The following GAS6 variants were observed in gnomAD, a reference collection of about 807,000 sequenced individuals.
GAS6 encodes growth arrest specific 6.
In GAS6, 41 loss-of-function variants were observed where a neutral mutation model predicts 75.8. The observed-to-expected ratio is 0.54, with a 90% confidence interval of 0.42 to 0.70. The LOEUF (loss-of-function observed/expected upper bound fraction) is 0.70, where lower values mean the gene tolerates loss of function less well. Ranked by LOEUF, GAS6 falls within the 30% of genes least tolerant of loss-of-function variation. The probability of loss-of-function intolerance (pLI) is 0.00; values close to 1 mark genes in which losing one functional copy is unlikely to be tolerated. For missense variants in GAS6, 854 were observed against 940.2 expected (o/e 0.91, Z 1.20); for synonymous variants, 432 against 412.6 (o/e 1.05, Z -0.57).
At chr13:113,823,670 G>T in intron 12 of GAS6, 120 bp from the exon 13 acceptor site, 1 of 977,858 alleles carries the variant, frequency 1.0e-6, no homozygotes, top group Non-Finnish European at 1.5e-6. Flanking sequence ...AGACAGCCCC[G>T]GATCTGGGAC....
At chr13:113,862,312 T>C (rs529804261) in intron 2 of GAS6, among the ~76,000 whole-genome samples, 1 of 152,268 alleles carries the variant, frequency 6.6e-6, no homozygotes, top group East Asian at 1.9e-4. Context: ...GCACGCCCCA[T>C]GCCACAGTCC....
chr13:113,833,721 C>T (rs1231380013), intron 8 of GAS6: 3 of 993,708 alleles, frequency 3.0e-6, no homozygotes, highest in East Asian at 2.4e-4. Flanking sequence ...GTGACAGGCA[C>T]CGGTGTGACA....
chr13:113,827,117 G>A lies in GAS6; in HGVS notation c.1356C>T (p.Asn452=), dbSNP rs545606097. Residue 452 remains asparagine, a synonymous_variant, in exon 12 of 15, where the codon AAC becomes AAT. Coordinates refer to ENST00000327773, the MANE Select transcript of GAS6 (RefSeq NM_000820.4). ...TTTCCTGGATGGTGGTGTCTTCTCC[G>A]TTCAGCCAGTTCCAGCTCCTCATGC... ...DGCMRSWNWL[N]GEDTTIQETV... is the part of the protein sequence containing the mutation. 25 of 1,613,280 alleles carry A rather than the reference G, an allele frequency of 1.5e-5. No homozygotes were observed. The highest frequency in any genetic ancestry group is 1.1e-4 in the East Asian group (5 of 44,846).
chr13:113,857,865 C>T (rs1312316952), intron 2 of GAS6, among the ~76,000 whole-genome samples: 1 of 152,276 alleles, frequency 6.6e-6, no homozygotes, highest in Admixed American at 6.5e-5. Flanking sequence ...CCGGAGGAGC[C>T]TGGCACCAAG....
chr13:113,864,041 GGCGGCGGCGGCT>G lies in GAS6; in HGVS notation c.-133_-122del. The G allele has an allele frequency of 2.1e-6, 2 of 969,612 alleles. No individual in the cohort carries two copies. The highest frequency in any genetic ancestry group is 1.2e-6 in the Non-Finnish European group (1 of 811,974). The allele number at this position is 969,612 out of a possible 1,614,324, so 60.1% of individuals were successfully genotyped here. On this transcript the variant is annotated 5_prime_UTR_variant, in exon 1 of 15. Coordinates refer to ENST00000327773, the MANE Select transcript of GAS6 (RefSeq NM_000820.4). Reference sequence around the variant, plus strand: ...CTGAAGGTCACATCGCGGCGGCGGCGGCGGCGGCGGCTGCGGCACCTCAAGCGCTCGGTCTGG... The same window carrying G: ...CTGAAGGTCACATCGCGGCGGCGGCGGCGGCACCTCAAGCGCTCGGTCTGG...
intron 11 of GAS6, 39 bp from the exon 12 acceptor site, chr13:113,827,203 G>A (rs536126864): frequency 4.4e-5 from 71 of 1,600,050 alleles, no homozygotes; most frequent in African/African-American, 1.1e-4. Flanking sequence ...TCCTGGGAGC[G>A]AGAAGCCCCA....
In GAS6 at chr13:113,821,191, A is replaced by G. The variant is rs1455156364; in HGVS notation, c.1883-173T>C. On this transcript the variant is annotated intron_variant, in intron 14 of 14. Coordinates refer to ENST00000327773, the MANE Select transcript of GAS6 (RefSeq NM_000820.4). ...GTTCGTTTGGCCGCAGACCCGGCAG[A>G]CAAGCAGGAGGCATCTGCCAGCCTG... 1.8e-5 allele frequency: 12 copies of G among 676,630 alleles called. 1 individual carries two copies. The South Asian group carries it at 1.8e-4, about 10-fold the overall frequency. The allele number at this position is 676,630 out of a possible 1,614,324, so 41.9% of individuals were successfully genotyped here.
intron 5 of GAS6, 42 bp from the exon 6 acceptor site, chr13:113,838,233 C>G: frequency 6.2e-7 from 1 of 1,608,682 alleles, no homozygotes; most frequent in South Asian, 1.1e-5. Flanking sequence ...CAAGGGTGCA[C>G]AGCCCCTGGC....
At chr13:113,832,264 G>C (rs201876951) in intron 10 of GAS6, 35 bp downstream of exon 10, 1 of 1,586,062 alleles carries the variant, frequency 6.3e-7, no homozygotes, top group Non-Finnish European at 8.5e-7. Context: ...GGAGAACCCC[G>C]TGAGGCCTGG....
At chr13:113,832,520 T>C (rs2138630981) in intron 9 of GAS6, 32 bp from the exon 10 acceptor site, 1 of 1,594,388 alleles carries the variant, frequency 6.3e-7, no homozygotes, top group Non-Finnish European at 8.6e-7. Context: ...GAGTCAGCAC[T>C]GGGCACAGGC....
Position 113,848,529 on chromosome 13 carries a change from G to A in GAS6, c.256-479C>T, listed in dbSNP as rs1055463235. On this transcript the variant is annotated intron_variant, in intron 2 of 14. Coordinates refer to ENST00000327773, the MANE Select transcript of GAS6 (RefSeq NM_000820.4). The surrounding 1 kb of genome is among the most constrained non-coding windows in gnomAD (Gnocchi z 4.8). ...TTCTTATCCATGAAAGCGCACTGAC[G>A]AGGTCCACATTCGACACAAGTGAGC... Among the ~76,000 whole-genome samples the A allele has an allele frequency of 6.6e-6, 1 of 152,158 alleles. No homozygotes were observed. Among genetic ancestry groups the A allele is most frequent in the Admixed American group, 6.5e-5 (1 of 15,286 alleles).
chr13:113,841,299 C>G (rs193261563), intron 4 of GAS6: 2 of 152,630 alleles, frequency 1.3e-5, no homozygotes, highest in African/African-American at 2.4e-5. Flanking sequence ...TCCTCCTAGG[C>G]GGGTCCAGGC....
chr13:113,834,548 T>G lies in GAS6; in HGVS notation c.834+3A>C. 2 of 1,565,664 alleles carry G rather than the reference T, an allele frequency of 1.3e-6. No individual in the cohort carries two copies. Among genetic ancestry groups the G allele is most frequent in the Non-Finnish European group, 1.7e-6 (2 of 1,159,404 alleles). ...AGGGCCCGCGGGGCCAGGGGCCGCCTACCTCACAGGTGTCCATGTCCTGGG... is the reference window on the plus strand; with the variant it reads ...AGGGCCCGCGGGGCCAGGGGCCGCCGACCTCACAGGTGTCCATGTCCTGGG... On this transcript the variant is annotated splice_donor_region_variant and intron_variant, in intron 8 of 14. Coordinates refer to ENST00000327773, the MANE Select transcript of GAS6 (RefSeq NM_000820.4).
intron 12 of GAS6, among the ~76,000 whole-genome samples, chr13:113,825,470 G>C (rs2051524728): frequency 1.3e-5 from 2 of 152,138 alleles, no homozygotes; most frequent in South Asian, 4.1e-4. Context: ...CCTCTGTCTT[G>C]TAAGAGACGT....
In GAS6 at chr13:113,832,169, C is replaced by T. The variant is rs567751067; in HGVS notation, c.1143+130G>A. Reference sequence around the variant, plus strand: ...ATGAACTAAACGGGGCAGGGGTCCCCGTCCTGCCGGCACGCAGCAGATGCA... The same window carrying T: ...ATGAACTAAACGGGGCAGGGGTCCCTGTCCTGCCGGCACGCAGCAGATGCA... On this transcript the variant is annotated intron_variant, in intron 10 of 14. Coordinates refer to ENST00000327773, the MANE Select transcript of GAS6 (RefSeq NM_000820.4). 9.0e-5 allele frequency: 98 copies of T among 1,088,204 alleles called. 1 individual carries two copies. The highest frequency in any genetic ancestry group is 3.1e-4 in the East Asian group (12 of 38,586). 67.4% of individuals were successfully genotyped at this position (1,088,204 alleles called of 1,614,324 possible). A position where few individuals can be genotyped will look rare whatever the true frequency, so the allele number is the denominator to read the frequency against.
intron 2 of GAS6, among the ~76,000 whole-genome samples, chr13:113,855,712 G>A: frequency 6.6e-6 from 1 of 152,176 alleles, no homozygotes; most frequent in Non-Finnish European, 1.5e-5. Flanking sequence ...TGCCCAGCTG[G>A]TGTAAGGACA....
At chr13:113,859,310 C>A (rs2051949208) in intron 2 of GAS6, among the ~76,000 whole-genome samples, 1 of 148,306 alleles carries the variant, frequency 6.7e-6, no homozygotes, top group South Asian at 2.2e-4. Context: ...GTGTACATGT[C>A]TGTTAGTATG....
intron 11 of GAS6, among the ~76,000 whole-genome samples, chr13:113,828,248 AGC>A (rs1486302166): frequency 1.6e-4 from 24 of 151,890 alleles, no homozygotes; most frequent in African/African-American, 5.6e-4. Flanking sequence ...TGGGCAACAG[AGC>A]AAGACTCCGT....
intron 12 of GAS6, among the ~76,000 whole-genome samples, 180 bp from the exon 13 acceptor site, chr13:113,823,730 G>A (rs1425329344): frequency 6.6e-6 from 1 of 152,190 alleles, no homozygotes. Flanking sequence ...GGAGCCCAGA[G>A]GCACCGGGGA....
Sources: allele counts gnomAD v4.1 joint callset (sites outside exome capture counted in the v4.1 genomes callset), GRCh38; gene constraint gnomAD v4.1.1; non-coding constraint Gnocchi (gnomAD v3.1); transcripts MANE v1.5; gene names NCBI Gene and HGNC (gene_info 2026-07-23, HGNC 2026-07-21).